Variants in VEPH1 observed in about 807,000 individuals in gnomAD.
The protein encoded by VEPH1 is ventricular zone expressed PH domain containing 1.
VEPH1 carries 80 observed loss-of-function variants against 85.2 expected under a neutral mutation model. The observed-to-expected ratio is 0.94, with a 90% CI of 0.78 to 1.13. The LOEUF is 1.13. VEPH1 is among the 50% of genes most tolerant of loss of function. The probability of loss-of-function intolerance (pLI) is 0.00; values close to 1 mark genes in which losing one functional copy is unlikely to be tolerated. For synonymous variants in VEPH1, 297 were observed against 348.0 expected, an observed-to-expected ratio of 0.85 and a Z score of 1.63; for missense variants, 955 against 980.5, an observed-to-expected ratio of 0.97 and a Z score of 0.35.
intron 9 of VEPH1, among the ~76,000 whole-genome samples, chr3:157,323,987 A>G (rs1166164675): frequency 6.6e-6 from 1 of 152,190 alleles, no homozygotes; most frequent in African/African-American, 2.4e-5. Context: ...ATCAGTTTAT[A>G]TTTATGTATT....
rs1057099347 is a variant in VEPH1 at position 157,365,760 on chromosome 3, G to C, written c.1128-1248C>G. ...AACACCCCAGTAGAAGAGATGCATA[G>C]GGCAAGGTATGGGAGAAGGGGCACA... is the stretch of plus-strand genomic sequence containing the variant. On this transcript the variant is annotated intron_variant, in intron 7 of 13. Transcript: ENST00000362010. Among the ~76,000 whole-genome samples the C allele has an allele frequency of 1.8e-4, 27 of 152,248 alleles. No homozygotes were observed. In the East Asian group the frequency reaches 5.2e-3, roughly 29 times the overall value.
intron 11 of VEPH1, among the ~76,000 whole-genome samples, chr3:157,310,634 G>A (rs1678597570): frequency 6.6e-6 from 1 of 152,202 alleles, no homozygotes; most frequent in African/African-American, 2.4e-5. Context: ...AAAACGTGTG[G>A]TGGGACTGGG....
At chr3:157,338,798 A>G in intron 9 of VEPH1, among the ~76,000 whole-genome samples, 1 of 152,236 alleles carries the variant, frequency 6.6e-6, no homozygotes, top group East Asian at 1.9e-4. Context: ...CACAAGCTCA[A>G]GACTGCACAT....
chr3:157,323,879 C>T (rs1217995248), intron 9 of VEPH1, among the ~76,000 whole-genome samples: 1 of 152,030 alleles, frequency 6.6e-6, no homozygotes, highest in African/African-American at 2.4e-5. Flanking sequence ...ATAGATCAAC[C>T]ATCGACAGTG....
chr3:157,262,540 TA>T (rs201258443), intron 13 of VEPH1, among the ~76,000 whole-genome samples: 2,779 of 145,112 alleles, frequency 0.019, 41 homozygotes, highest in Middle Eastern at 0.046. Flanking sequence ...AAACATGATT[TA>T]AAAAAAAAAA....
intron 9 of VEPH1, among the ~76,000 whole-genome samples, chr3:157,338,289 A>C (rs1000707212): frequency 1.3e-5 from 2 of 152,192 alleles, no homozygotes; most frequent in Admixed American, 6.5e-5. Context: ...TTCAAAGGTT[A>C]AATCTGTAAA....
chr3:157,341,074 A>G (rs1723499859), intron 9 of VEPH1, among the ~76,000 whole-genome samples: 1 of 152,232 alleles, frequency 6.6e-6, no homozygotes, highest in Non-Finnish European at 1.5e-5. Context: ...AAGATGGGGA[A>G]AAAAACAGAG....
At chr3:157,436,955 T>G (rs936556365) in intron 4 of VEPH1, 3 of 1,613,946 alleles carry the variant, frequency 1.9e-6, no homozygotes, top group Non-Finnish European at 2.5e-6. Context: ...TGCGATTCTG[T>G]TTTGTGCTCT....
intron 7 of VEPH1, among the ~76,000 whole-genome samples, chr3:157,373,938 C>G (rs770624274): frequency 1.5e-4 from 23 of 152,194 alleles, no homozygotes; most frequent in Non-Finnish European, 2.6e-4. Context: ...TCTCACACTC[C>G]CTGGGCCTGC....
chr3:157,323,887 G>A (rs1721617695), intron 9 of VEPH1, among the ~76,000 whole-genome samples: 1 of 152,154 alleles, frequency 6.6e-6, no homozygotes, highest in Admixed American at 6.6e-5. Context: ...ACCATCGACA[G>A]TGATTACTTT....
intron 6 of VEPH1, among the ~76,000 whole-genome samples, chr3:157,393,486 GC>G (rs908279869): frequency 6.6e-6 from 1 of 152,100 alleles, no homozygotes; most frequent in Non-Finnish European, 1.5e-5. Context: ...ATCTGATGAT[GC>G]CAGAAATATC....
At chr3:157,312,059 A>C (rs1040075168) in intron 11 of VEPH1, among the ~76,000 whole-genome samples, 3 of 152,208 alleles carry the variant, frequency 2.0e-5, no homozygotes, top group Admixed American at 6.5e-5. Flanking sequence ...TCATCATTTA[A>C]AAATATTATG....
intron 9 of VEPH1, among the ~76,000 whole-genome samples, chr3:157,331,182 C>A (rs1252065757): frequency 6.6e-6 from 1 of 152,168 alleles, no homozygotes; most frequent in Non-Finnish European, 1.5e-5. Context: ...TGCTAACAGC[C>A]ACACAGGCTT....
intron 6 of VEPH1, among the ~76,000 whole-genome samples, chr3:157,403,134 T>C (rs978513517): frequency 4.6e-5 from 7 of 152,200 alleles, no homozygotes; most frequent in African/African-American, 1.4e-4. Flanking sequence ...TCTCCTCATA[T>C]ATTTTGAGAG....
chr3:157,494,438 A>G (rs1188083036), intron 2 of VEPH1, among the ~76,000 whole-genome samples: 1 of 152,196 alleles, frequency 6.6e-6, no homozygotes, highest in Non-Finnish European at 1.5e-5. Flanking sequence ...GTCCAAGTAC[A>G]ATCAAGAAGG....
At chr3:157,437,524 G>A (rs1211588515) in intron 4 of VEPH1, 3 of 1,605,876 alleles carry the variant, frequency 1.9e-6, no homozygotes, top group Non-Finnish European at 1.7e-6. Context: ...CACGCCGTGC[G>A]CCTGCGGTCA....
chr3:157,286,714 C>A, intron 11 of VEPH1, 40 bp from the exon 12 acceptor site: 2 of 1,506,494 alleles, frequency 1.3e-6, no homozygotes, highest in South Asian at 2.3e-5. Context: ...ATAAGCTGCT[C>A]TGCCTGCTAC....
chr3:157,487,198 T>A (rs1196348618), intron 2 of VEPH1, among the ~76,000 whole-genome samples: 1 of 151,992 alleles, frequency 6.6e-6, no homozygotes, highest in African/African-American at 2.4e-5. Context: ...TTTGAAATGA[T>A]CCTATACAGA....
chr3:157,386,274 A>AAAAAAT (rs1560018710), intron 6 of VEPH1, among the ~76,000 whole-genome samples: 6 of 149,902 alleles, frequency 4.0e-5, no homozygotes, highest in African/African-American at 7.4e-5. Flanking sequence ...AAAAAAAAAA[A>AAAAAAT]GTGGTTAGTT....
Sources: gnomAD v4.1 joint callset for allele counts (sites outside exome capture counted in the v4.1 genomes callset) on GRCh38, gnomAD v4.1.1 for gene constraint, MANE v1.5 for transcripts, NCBI Gene and HGNC (gene_info 2026-07-23, HGNC 2026-07-21) for gene names.